The following ITSN1 variants were observed in gnomAD, a reference collection of about 807,000 sequenced individuals.
ITSN1 encodes the protein intersectin-1.
Under a neutral mutation model 239.8 loss-of-function variants are expected in ITSN1, and 58 were observed. The observed-to-expected ratio is 0.24, with a 90% CI of 0.20 to 0.30. The LOEUF (loss-of-function observed/expected upper bound fraction) is 0.30. ITSN1 is among the 10% of genes least tolerant of loss of function. The pLI, the probability that ITSN1 is intolerant of heterozygous loss-of-function variation, is 1.00. For synonymous variants in ITSN1, 780 were observed against 770.8 expected, an observed-to-expected ratio of 1.01 and a Z score of -0.20; for missense variants, 1,558 against 2,103.3, an observed-to-expected ratio of 0.74 and a Z score of 5.07.
At chr21:33,643,425 C>T (rs965418011) in intron 1 of ITSN1, 5 of 152,096 alleles carry the variant, frequency 3.3e-5, no homozygotes, top group African/African-American at 1.2e-4. Flanking sequence ...CTTGCTTGCA[C>T]GAATGCAATC....
chr21:33,691,372 G>T (rs571612346), intron 1 of ITSN1, among the ~76,000 whole-genome samples: 1 of 152,236 alleles, frequency 6.6e-6, no homozygotes, highest in East Asian at 1.9e-4. Context: ...CTAACTAAGT[G>T]TTTTACTTAT....
chr21:33,798,287 G>T (rs1217587820), intron 18 of ITSN1, among the ~76,000 whole-genome samples: 12 of 149,178 alleles, frequency 8.0e-5, no homozygotes, highest in Non-Finnish European at 1.8e-4. Flanking sequence ...TTGTAGAGAT[G>T]GGGGGTCTCA....
chr21:33,665,667 A>C (rs888057807), intron 1 of ITSN1, among the ~76,000 whole-genome samples: 2 of 152,202 alleles, frequency 1.3e-5, no homozygotes, highest in African/African-American at 4.8e-5. Context: ...TTCAAACAAA[A>C]ACTTGTACAT....
intron 29 of ITSN1, among the ~76,000 whole-genome samples, chr21:33,851,841 T>C (rs1978371918): frequency 7.5e-6 from 1 of 133,486 alleles, no homozygotes; most frequent in Non-Finnish European, 1.5e-5. Flanking sequence ...TGGAGTGCAG[T>C]GGTGCGATCA....
chr21:33,883,167 A>G (rs1054308608), intron 35 of ITSN1, among the ~76,000 whole-genome samples: 1 of 152,352 alleles, frequency 6.6e-6, no homozygotes, highest in Non-Finnish European at 1.5e-5. Context: ...TGCTGTTTAG[A>G]ATACACCAGG....
In ITSN1 at chr21:33,883,589, G is replaced by A; in HGVS notation, c.4594G>A (p.Asp1532Asn). ...TGAGGTTCTAGTAAAATTACCCACC[G>A]ACCCTTCTGGAGACGAGCCCATCTT... ...LNEVLVKLPT[D>N]PSGDEPIFHI... Residue 1532 changes from aspartate (D) to asparagine (N), a missense_variant, in exon 36 of 40, where the codon GAC becomes AAC. By Grantham distance (23) the Asp-to-Asn change is conservative. This residue lies in a region of ITSN1 where 576 missense variants were observed against 893.3 expected (regional missense o/e 0.64). Transcript: ENST00000381318. The A allele has an allele frequency of 6.2e-7, 1 of 1,613,744 alleles. No individual in the cohort carries two copies. Among genetic ancestry groups the A allele is most frequent in the Non-Finnish European group, 8.5e-7 (1 of 1,179,802 alleles).
intron 1 of ITSN1, among the ~76,000 whole-genome samples, chr21:33,688,650 G>C (rs1601642709): frequency 6.6e-6 from 1 of 152,146 alleles, no homozygotes; most frequent in African/African-American, 2.4e-5. Context: ...CATGCAGAGG[G>C]AACAACAGAA....
chr21:33,661,896 T>C (rs2089588986), intron 1 of ITSN1, among the ~76,000 whole-genome samples: 1 of 152,050 alleles, frequency 6.6e-6, no homozygotes, highest in African/African-American at 2.4e-5. Context: ...CCATTAAACC[T>C]CTTTTTCTTT....
intron 31 of ITSN1, among the ~76,000 whole-genome samples, chr21:33,863,969 G>A (rs1379738322): frequency 2.0e-5 from 3 of 152,222 alleles, no homozygotes; most frequent in Non-Finnish European, 2.9e-5. Flanking sequence ...AGGTGGAATC[G>A]CTGACTGCTC....
intron 34 of ITSN1, among the ~76,000 whole-genome samples, chr21:33,878,693 C>T (rs753782143): frequency 3.3e-5 from 5 of 152,204 alleles, no homozygotes; most frequent in African/African-American, 1.2e-4. Context: ...CCGTGGAAGC[C>T]GAGAGGACAG....
At chr21:33,796,000 G>C (rs1364085259) in intron 17 of ITSN1, among the ~76,000 whole-genome samples, 1 of 138,668 alleles carries the variant, frequency 7.2e-6, no homozygotes, top group African/African-American at 2.7e-5. Flanking sequence ...GTCTCGCTCT[G>C]TCACCCAGGC....
intron 5 of ITSN1, among the ~76,000 whole-genome samples, chr21:33,736,764 T>C (rs960516252): frequency 1.3e-5 from 2 of 152,214 alleles, no homozygotes; most frequent in South Asian, 4.1e-4. Context: ...AGCAGGAGGA[T>C]TGCTTGGTCC....
chr21:33,655,676 G>C (rs1481107042), intron 1 of ITSN1, among the ~76,000 whole-genome samples: 1 of 149,076 alleles, frequency 6.7e-6, no homozygotes, highest in Non-Finnish European at 1.5e-5. Flanking sequence ...AAAGTGATCT[G>C]CCTGCTTTGA....
chr21:33,854,783 A>G (rs1037429888), intron 29 of ITSN1, among the ~76,000 whole-genome samples: 1 of 152,116 alleles, frequency 6.6e-6, no homozygotes, highest in African/African-American at 2.4e-5. Context: ...ACATCTGCAG[A>G]CCTGTGCAAA....
chr21:33,746,931 A>T (rs973729685), intron 5 of ITSN1, among the ~76,000 whole-genome samples: 6 of 152,174 alleles, frequency 3.9e-5, no homozygotes, highest in Admixed American at 3.3e-4. Context: ...AGGTGGGCGG[A>T]TCACCCGAGG....
At chr21:33,682,700 G>C (rs1210564234) in intron 1 of ITSN1, among the ~76,000 whole-genome samples, 1 of 151,650 alleles carries the variant, frequency 6.6e-6, no homozygotes, top group Non-Finnish European at 1.5e-5. Flanking sequence ...GCTAATTTTT[G>C]TATTTTTAGT....
intron 4 of ITSN1, among the ~76,000 whole-genome samples, chr21:33,731,017 A>C (rs1413664659): frequency 1.3e-5 from 2 of 152,178 alleles, no homozygotes; most frequent in Non-Finnish European, 2.9e-5. Context: ...ATTTCCATAA[A>C]TTTCTTAGAA....
intron 1 of ITSN1, among the ~76,000 whole-genome samples, chr21:33,693,251 G>A (rs2091630552): frequency 6.6e-6 from 1 of 152,056 alleles, no homozygotes; most frequent in Non-Finnish European, 1.5e-5. Flanking sequence ...CAGATACATA[G>A]CCGCTCTTCT....
intron 8 of ITSN1, among the ~76,000 whole-genome samples, chr21:33,757,412 A>T (rs2068004690): frequency 6.6e-6 from 1 of 152,234 alleles, no homozygotes; most frequent in Non-Finnish European, 1.5e-5. Flanking sequence ...GTTTATCTGC[A>T]TACTTATTGC....
Sources: allele counts gnomAD v4.1 joint callset (sites outside exome capture counted in the v4.1 genomes callset), GRCh38; gene constraint gnomAD v4.1.1; regional missense constraint gnomAD v4.1.1; transcripts MANE v1.5; gene names NCBI Gene and HGNC (gene_info 2026-07-23, HGNC 2026-07-21).